Variants in PAIP2 observed in about 807,000 individuals in gnomAD.
PAIP2 encodes the protein polyadenylate-binding protein-interacting protein 2.
A neutral mutation model predicts 14.8 loss-of-function variants in PAIP2; 7 were observed. That is an observed-to-expected ratio of 0.47 (90% CI 0.27 to 0.89). PAIP2 has a LOEUF of 0.89. Ranked by LOEUF, PAIP2 falls within the 40% of genes least tolerant of loss-of-function variation. The pLI, the probability that PAIP2 is intolerant of heterozygous loss-of-function variation, is 0.13. For missense variants in PAIP2, 122 were observed against 154.7 expected, an observed-to-expected ratio of 0.79 and a Z score of 1.12; for synonymous variants, 47 against 45.3, an observed-to-expected ratio of 1.04 and a Z score of -0.15.
At chr5:139,368,090 C>T (rs1317153102) in intron 3 of PAIP2, among the ~76,000 whole-genome samples, 8 of 152,280 alleles carry the variant, frequency 5.3e-5, no homozygotes, top group East Asian at 1.9e-4. Flanking sequence ...AATCCCAGCA[C>T]TTTGGGAGGC....
chr5:139,360,392 C>T (rs1257053952), intron 1 of PAIP2, among the ~76,000 whole-genome samples: 1 of 152,216 alleles, frequency 6.6e-6, no homozygotes, highest in African/African-American at 2.4e-5. Context: ...TCTGCTTTTA[C>T]AGTGCCTCAA....
chr5:139,349,506 C>T (rs1315899360), intron 1 of PAIP2, among the ~76,000 whole-genome samples: 1 of 152,170 alleles, frequency 6.6e-6, no homozygotes, highest in Non-Finnish European at 1.5e-5. Context: ...CTCAGCCTCC[C>T]AAAGTGCTGG....
chr5:139,351,810 C>A (rs903140867), intron 1 of PAIP2, among the ~76,000 whole-genome samples: 1 of 152,012 alleles, frequency 6.6e-6, no homozygotes, highest in Non-Finnish European at 1.5e-5. Context: ...AGGTGAACAC[C>A]ACCATGCCCA....
intron 1 of PAIP2, among the ~76,000 whole-genome samples, chr5:139,345,987 C>T (rs1756533697): frequency 6.6e-6 from 1 of 151,954 alleles, no homozygotes; most frequent in Non-Finnish European, 1.5e-5. Context: ...GATTGTAAAA[C>T]CTAAAAGATT....
rs149694336 is a variant in PAIP2 at position 139,362,503 on chromosome 5, C to T, written c.-26-1256C>T. ...TTGGCTCACCACAGCCTCCGCCTCC[C>T]GGGTTCAAGCAATTCTCCTGCCTCA... On this transcript the variant is annotated intron_variant, in intron 1 of 3. Coordinates refer to ENST00000265192, the MANE Select transcript of PAIP2 (RefSeq NM_016480.5). 6.7e-3 allele frequency among the ~76,000 whole-genome samples: 1,005 copies of T among 149,986 alleles called. 8 individuals carry two copies. The highest frequency in any genetic ancestry group is 0.023 in the African/African-American group (945 of 40,660).
At position 139,360,334 on chromosome 5, in the gene PAIP2, A is replaced by G. The variant is rs544933854; in HGVS notation, c.-26-3425A>G. 2.0e-5 allele frequency among the ~76,000 whole-genome samples: 3 copies of G among 152,184 alleles called. No individual in the cohort carries two copies. The South Asian group carries it at 6.2e-4, about 32-fold the overall frequency. ...TGCTATCAAAATAGTTTTTCATCCA[A>G]GTTTAATGATAAAAATAACAGATAT... On this transcript the variant is annotated intron_variant, in intron 1 of 3. Coordinates refer to ENST00000265192, the MANE Select transcript of PAIP2 (RefSeq NM_016480.5).
chr5:139,342,319 G>C (rs1464640157), intron 1 of PAIP2: 1 of 152,048 alleles, frequency 6.6e-6, no homozygotes, highest in African/African-American at 2.4e-5. Flanking sequence ...CCTCCGCCGG[G>C]TACCCTTTCC....
intron 1 of PAIP2, among the ~76,000 whole-genome samples, chr5:139,348,145 CA>C (rs56677878): frequency 0.19 from 13,546 of 69,688 alleles, 1,811 homozygotes; most frequent in African/African-American, 0.43. Context: ...GACTCCATGT[CA>C]AAAAAAAAAA....
At chr5:139,356,445 C>T (rs1042955947) in intron 1 of PAIP2, among the ~76,000 whole-genome samples, 1 of 152,028 alleles carries the variant, frequency 6.6e-6, no homozygotes, top group African/African-American at 2.4e-5. Context: ...AAACACTCCT[C>T]GTCAAAAATA....
chr5:139,346,890 A>G (rs896731822), intron 1 of PAIP2, among the ~76,000 whole-genome samples: 1 of 151,254 alleles, frequency 6.6e-6, no homozygotes, highest in African/African-American at 2.4e-5. Flanking sequence ...GCTCACTGCA[A>G]CCTCTGCCTC....
chr5:139,358,198 G>A (rs1457986189), intron 1 of PAIP2, among the ~76,000 whole-genome samples: 1 of 152,152 alleles, frequency 6.6e-6, no homozygotes, highest in Non-Finnish European at 1.5e-5. Context: ...TTCACTAGTT[G>A]TGTAACCTGG....
intron 1 of PAIP2, among the ~76,000 whole-genome samples, chr5:139,357,656 C>T (rs1756954406): frequency 6.6e-6 from 1 of 152,106 alleles, no homozygotes; most frequent in African/African-American, 2.4e-5. Flanking sequence ...CATGGTGAAA[C>T]CCCGCCTCTA....
chr5:139,348,702 G>T (rs1321848660), intron 1 of PAIP2, among the ~76,000 whole-genome samples: 1 of 144,352 alleles, frequency 6.9e-6, no homozygotes, highest in Non-Finnish European at 1.5e-5. Context: ...TTTAAAGTCA[G>T]AGTTTCACTC....
rs769594099 is a variant in PAIP2 at position 139,368,825 on chromosome 5, G to T, written c.*27G>T. On this transcript the variant is annotated 3_prime_UTR_variant, in exon 4 of 4. Transcript: ENST00000265192. ...TAGACGGGGCCCTCTTTTGGTGGAT[G>T]TAGCACAATTTCCACACTGTGAAGG... 10 of 1,518,796 alleles carry T rather than the reference G, an allele frequency of 6.6e-6. No homozygotes were observed. The Admixed American group carries it at 1.2e-4, about 18-fold the overall frequency. The allele number at this position is 1,518,796 out of a possible 1,614,324, so 94.1% of individuals were successfully genotyped here.
chr5:139,347,575 T>C (rs1425968003), intron 1 of PAIP2, among the ~76,000 whole-genome samples: 1 of 152,064 alleles, frequency 6.6e-6, no homozygotes, highest in African/African-American at 2.4e-5. Flanking sequence ...CGCCAGGCCA[T>C]ACAACATTTT....
At chr5:139,366,800 C>G (rs750297422) in intron 3 of PAIP2, among the ~76,000 whole-genome samples, 3 of 152,180 alleles carry the variant, frequency 2.0e-5, no homozygotes, top group Non-Finnish European at 2.9e-5. Flanking sequence ...GTGGCTCATG[C>G]TTGTAATCCC....
intron 1 of PAIP2, among the ~76,000 whole-genome samples, chr5:139,362,983 A>G (rs1261503207): frequency 3.9e-5 from 6 of 152,078 alleles, no homozygotes; most frequent in Non-Finnish European, 8.8e-5. Flanking sequence ...GCGCACACCT[A>G]TAATCTCAGC....
intron 1 of PAIP2, among the ~76,000 whole-genome samples, chr5:139,347,224 A>C (rs894956143): frequency 6.6e-6 from 1 of 150,874 alleles, no homozygotes; most frequent in African/African-American, 2.4e-5. Flanking sequence ...TGTTACAACT[A>C]ATTTTTTTTT....
rs556181409 is a variant in PAIP2 at position 139,345,068 on chromosome 5, C to T, written c.-27+3088C>T. Among the ~76,000 whole-genome samples, 7 of 151,830 alleles carry T rather than the reference C, an allele frequency of 4.6e-5. No homozygotes were observed. The South Asian group carries it at 6.2e-4, about 14-fold the overall frequency. ...GTTGTTGTTGTTGTTGTTTTTGAAA[C>T]GGAGTCTTGCTCTGTTGCCCAGGCT... On this transcript the variant is annotated intron_variant, in intron 1 of 3. Coordinates refer to ENST00000265192, the MANE Select transcript of PAIP2 (RefSeq NM_016480.5).
Sources: allele counts gnomAD v4.1 joint callset (sites outside exome capture counted in the v4.1 genomes callset), GRCh38; gene constraint gnomAD v4.1.1; transcripts MANE v1.5; gene names NCBI Gene and HGNC (gene_info 2026-07-23, HGNC 2026-07-21).